SEPTIN9: variants seen among roughly 807,000 people sequenced by gnomAD.
The protein encoded by SEPTIN9 is septin-9.
A neutral mutation model predicts 56.6 loss-of-function variants in SEPTIN9; 13 were observed. The observed-to-expected ratio is 0.23, with a 90% CI of 0.15 to 0.37. The LOEUF is 0.37. Ranked by LOEUF, SEPTIN9 falls within the 10% of genes least tolerant of loss-of-function variation. The pLI, the probability that SEPTIN9 is intolerant of heterozygous loss-of-function variation, is 1.00. For missense variants in SEPTIN9, 650 were observed against 823.1 expected (o/e 0.79, Z 2.57); for synonymous variants, 332 against 334.1 (o/e 0.99, Z 0.07).
At chr17:77,356,824 GC>G (rs1248756461) in intron 2 of SEPTIN9, among the ~76,000 whole-genome samples, 1 of 147,722 alleles carries the variant, frequency 6.8e-6, no homozygotes, top group Non-Finnish European at 1.5e-5. Context: ...CAGGCGCTGA[GC>G]AGCCTCAGGA....
intron 3 of SEPTIN9, among the ~76,000 whole-genome samples, chr17:77,471,816 G>A (rs2039008527): frequency 6.6e-6 from 1 of 152,238 alleles, no homozygotes; most frequent in South Asian, 2.1e-4. Context: ...GGATCTTGGG[G>A]TTGCTTTGAG....
In SEPTIN9 at chr17:77,440,602, G is replaced by A. The variant is rs187634346; in HGVS notation, c.721+37899G>A. Among the ~76,000 whole-genome samples, 132 of 152,320 alleles carry A rather than the reference G, an allele frequency of 8.7e-4. No homozygotes were observed. In the East Asian group the frequency reaches 0.013, roughly 15 times the overall value. On this transcript the variant is annotated intron_variant, in intron 3 of 11. Coordinates refer to ENST00000427177, the MANE Select transcript of SEPTIN9 (RefSeq NM_001113491.2). ...ATTCAGAGCGGCCTGCGTCCCAAGC[G>A]GACAGCTGCTCCCTTCCTCTTGGCT...
In SEPTIN9 at chr17:77,449,535, G is replaced by A. The variant is rs1301182547; in HGVS notation, c.722-32609G>A. Among the ~76,000 whole-genome samples, 1 of 152,214 alleles carries A rather than the reference G, an allele frequency of 6.6e-6. No homozygotes were observed. Among genetic ancestry groups the A allele is most frequent in the Non-Finnish European group, 1.5e-5 (1 of 68,040 alleles). On this transcript the variant is annotated intron_variant, in intron 3 of 11. Coordinates refer to ENST00000427177, the MANE Select transcript of SEPTIN9 (RefSeq NM_001113491.2). The surrounding 1 kb of genome is among the most constrained non-coding windows in gnomAD (Gnocchi z 4.6). ...AGAGGCAAAGAGAAGAAGGTTCGGA[G>A]AGGAGGGCCAAGGAAGAAGGGTTCT...
At chr17:77,351,600 G>A (rs1203578124) in intron 2 of SEPTIN9, among the ~76,000 whole-genome samples, 1 of 152,202 alleles carries the variant, frequency 6.6e-6, no homozygotes, top group African/African-American at 2.4e-5. Context: ...GACCTCAGAG[G>A]CGGCCCCAGG....
chr17:77,378,041 G>T lies in SEPTIN9; in HGVS notation c.77-24018G>T, dbSNP rs75472307. Among the ~76,000 whole-genome samples the T allele has an allele frequency of 9.8e-3, 1,494 of 152,262 alleles. 24 individuals carry two copies. The highest frequency in any genetic ancestry group is 0.034 in the African/African-American group (1,432 of 41,540). On this transcript the variant is annotated intron_variant, in intron 2 of 11. Coordinates refer to ENST00000427177, the MANE Select transcript of SEPTIN9 (RefSeq NM_001113491.2). ...CGACTACGAGTTGGTTCATTTAGAGGGGGGCGGACACAGCACCCAGGCAGC... is the reference window on the plus strand; with the variant it reads ...CGACTACGAGTTGGTTCATTTAGAGTGGGGCGGACACAGCACCCAGGCAGC...
At chr17:77,496,980 A>G (rs1408607556) in intron 10 of SEPTIN9, 2 of 403,338 alleles carry the variant, frequency 5.0e-6, no homozygotes, top group Non-Finnish European at 9.3e-6. Context: ...GCGGGGGCCC[A>G]CTGCCCTGGC....
At chr17:77,411,669 C>T (rs185541577) in intron 3 of SEPTIN9, among the ~76,000 whole-genome samples, 9 of 152,102 alleles carry the variant, frequency 5.9e-5, no homozygotes, top group South Asian at 2.1e-4. Flanking sequence ...CAAAGTAGCA[C>T]GTTCCTTTTA....
intron 3 of SEPTIN9, among the ~76,000 whole-genome samples, chr17:77,477,918 TC>T (rs537278330): frequency 6.6e-6 from 1 of 152,234 alleles, no homozygotes; most frequent in East Asian, 1.9e-4. Context: ...CCCAGACAGA[TC>T]CTTGCACAAC....
chr17:77,373,296 C>G lies in SEPTIN9; in HGVS notation c.77-28763C>G, dbSNP rs1039143924. 3 of 1,148,380 alleles carry G rather than the reference C, an allele frequency of 2.6e-6. No homozygotes were observed. The East Asian group carries it at 1.2e-4, about 48-fold the overall frequency. 71.1% of individuals were successfully genotyped at this position (1,148,380 alleles called of 1,614,324 possible). ...CCGGGAGGCGGGGGCGGGGCGGGGGCGCAGCGCGCGGGGAGGGGCCGGCGC... is the reference window on the plus strand; with the variant it reads ...CCGGGAGGCGGGGGCGGGGCGGGGGGGCAGCGCGCGGGGAGGGGCCGGCGC... On this transcript the variant is annotated intron_variant, in intron 2 of 11. Coordinates refer to ENST00000427177, the MANE Select transcript of SEPTIN9 (RefSeq NM_001113491.2).
chr17:77,438,434 C>G (rs2037431898), intron 3 of SEPTIN9, among the ~76,000 whole-genome samples: 1 of 152,200 alleles, frequency 6.6e-6, no homozygotes, highest in Non-Finnish European at 1.5e-5. Flanking sequence ...ATCCCCAGCA[C>G]CTGGGACTAC....
chr17:77,493,443 G>T (rs928313206), intron 10 of SEPTIN9, among the ~76,000 whole-genome samples: 2 of 152,234 alleles, frequency 1.3e-5, no homozygotes, highest in African/African-American at 4.8e-5. Flanking sequence ...AGCTCTGTGA[G>T]CCAGATGGAC....
Position 77,482,307 on chromosome 17 carries a change from G to C in SEPTIN9, c.885G>C (p.Gln295His). The C allele has an allele frequency of 6.2e-7, 1 of 1,613,016 alleles. No homozygotes were observed. The highest frequency in any genetic ancestry group is 8.5e-7 in the Non-Finnish European group (1 of 1,179,882). ...LEQMRRKAMK[Q>H]GFEFNIMVVG... is the part of the protein sequence containing the mutation. ...AGATGCGCCGGAAGGCCATGAAGCA[G>C]GGCTTCGAGTTCAACATCATGGTGG... Residue 295 changes from glutamine to histidine, a missense_variant, in exon 4 of 12, where the codon CAG becomes CAC. Coordinates refer to ENST00000427177, the MANE Select transcript of SEPTIN9 (RefSeq NM_001113491.2).
At position 77,400,292 on chromosome 17, in the gene SEPTIN9, G is replaced by A. The variant is rs1045141327; in HGVS notation, c.77-1767G>A. 6.6e-5 allele frequency among the ~76,000 whole-genome samples: 10 copies of A among 152,224 alleles called. No individual in the cohort carries two copies. The highest frequency in any genetic ancestry group is 2.2e-4 in the African/African-American group (9 of 41,458). ...TTTCTACTCTCTTGAGAAGTGAACA[G>A]CTCTGGCCACGCCGGGCCCATATCC... On this transcript the variant is annotated intron_variant, in intron 2 of 11. Transcript: ENST00000427177. The surrounding 1 kb of genome is among the most constrained non-coding windows in gnomAD (Gnocchi z 4.1).
At chr17:77,282,795 C>T (rs1224560936) in intron 1 of SEPTIN9, among the ~76,000 whole-genome samples, 1 of 152,206 alleles carries the variant, frequency 6.6e-6, no homozygotes, top group East Asian at 1.9e-4. Context: ...TTCCAGGTGG[C>T]ACATGCTTGG....
chr17:77,291,237 T>C (rs1057344262), intron 1 of SEPTIN9, among the ~76,000 whole-genome samples: 7 of 151,176 alleles, frequency 4.6e-5, no homozygotes, highest in South Asian at 2.1e-4. Context: ...GGTTTCACCA[T>C]GTTGGTCAGG....
intron 3 of SEPTIN9, among the ~76,000 whole-genome samples, chr17:77,420,712 G>T (rs1313157756): frequency 2.6e-5 from 4 of 152,120 alleles, no homozygotes; most frequent in African/African-American, 9.7e-5. Context: ...GCTGGCACGG[G>T]GACCTCCCCT....
rs2036041724 is a variant in SEPTIN9 at position 77,405,621 on chromosome 17, G to T, written c.721+2918G>T. On this transcript the variant is annotated intron_variant, in intron 3 of 11. Transcript: ENST00000427177. This position sits in a 1 kb window ranked among gnomAD's most constrained non-coding sequence, Gnocchi z 5.8. The stretch of plus-strand genomic sequence containing the variant: ...CTAAGCAAGTCCAGGTGGAGGAAAT[G>T]CAGGGACAGACGAGGGCAGGGCCTT... Among the ~76,000 whole-genome samples the T allele has an allele frequency of 1.3e-5, 2 of 152,092 alleles. No homozygotes were observed. The highest frequency in any genetic ancestry group is 4.2e-4 in the South Asian group (2 of 4,812).
chr17:77,451,855 T>C lies in SEPTIN9; in HGVS notation c.722-30289T>C, dbSNP rs1157692092. Among the ~76,000 whole-genome samples the C allele has an allele frequency of 1.3e-5, 2 of 152,252 alleles. No homozygotes were observed. Among genetic ancestry groups the C allele is most frequent in the Non-Finnish European group, 2.9e-5 (2 of 68,044 alleles). On this transcript the variant is annotated intron_variant, in intron 3 of 11. Coordinates refer to ENST00000427177, the MANE Select transcript of SEPTIN9 (RefSeq NM_001113491.2). This position sits in a 1 kb window ranked among gnomAD's most constrained non-coding sequence, Gnocchi z 4.2. ...CTGCCCGGAGCTTCTTGGAACATGT[T>C]TCCTTTTCGCAAGGGGTTTCCCTGG...
Position 77,448,793 on chromosome 17 carries a change from T to TC in SEPTIN9, c.722-33351_722-33350insC, listed in dbSNP as rs2037853937. Among the ~76,000 whole-genome samples, 28 of 152,260 alleles carry TC rather than the reference T, an allele frequency of 1.8e-4. 1 individual carries two copies. The East Asian group carries it at 5.4e-3, about 29-fold the overall frequency. Reference sequence around the variant, plus strand: ...ATTTCCTTTTTCTTTTCTTTTCTTTTTTTTTTTAAATATGGGGTCTCACAC... The same window carrying TC: ...ATTTCCTTTTTCTTTTCTTTTCTTTTCTTTTTTTAAATATGGGGTCTCACAC... On this transcript the variant is annotated intron_variant, in intron 3 of 11. Coordinates refer to ENST00000427177, the MANE Select transcript of SEPTIN9 (RefSeq NM_001113491.2).
Sources: allele counts gnomAD v4.1 joint callset (sites outside exome capture counted in the v4.1 genomes callset), GRCh38; gene constraint gnomAD v4.1.1; non-coding constraint Gnocchi (gnomAD v3.1); transcripts MANE v1.5; gene names NCBI Gene and HGNC (gene_info 2026-07-23, HGNC 2026-07-21).